Variants in NTNG1 observed in about 807,000 individuals in gnomAD.
The protein encoded by NTNG1 is netrin G1.
NTNG1 carries 16 observed loss-of-function variants against 54.0 expected under a neutral mutation model. The observed-to-expected ratio is 0.30, with a 90% confidence interval of 0.20 to 0.45. NTNG1 has a LOEUF of 0.45. Among genes scored for constraint, NTNG1 ranks in the 20% least tolerant of loss-of-function variants. The probability of loss-of-function intolerance (pLI) is 1.00; values close to 1 mark genes in which losing one functional copy is unlikely to be tolerated. For synonymous variants in NTNG1, 255 were observed against 263.1 expected (o/e 0.97, Z 0.30); for missense variants, 530 against 678.7 (o/e 0.78, Z 2.43).
chr1:107,297,653 C>G (rs1479775976), intron 2 of NTNG1, among the ~76,000 whole-genome samples: 2 of 152,052 alleles, frequency 1.3e-5, no homozygotes, highest in Admixed American at 1.3e-4. Flanking sequence ...AAATTTGTCT[C>G]TCCCCAAACA....
chr1:107,331,819 A>G, intron 3 of NTNG1, among the ~76,000 whole-genome samples: 1 of 152,066 alleles, frequency 6.6e-6, no homozygotes, highest in East Asian at 1.9e-4. Flanking sequence ...TCTTTCATAT[A>G]ATAAAATTTC....
chr1:107,279,298 G>GA (rs1557864815), intron 2 of NTNG1, among the ~76,000 whole-genome samples: 1 of 151,960 alleles, frequency 6.6e-6, no homozygotes, highest in Non-Finnish European at 1.5e-5. Flanking sequence ...ATTGACAATG[G>GA]AATGTATGTT....
intron 2 of NTNG1, among the ~76,000 whole-genome samples, chr1:107,318,592 G>A (rs573961321): frequency 2.3e-4 from 35 of 151,896 alleles, no homozygotes; most frequent in African/African-American, 8.0e-4. Flanking sequence ...AACTGCAAAA[G>A]TTATGGCCAC....
At chr1:107,395,509 T>C (rs1256982580) in intron 4 of NTNG1, 183 bp downstream of exon 4, 3 of 755,472 alleles carry the variant, frequency 4.0e-6, no homozygotes, top group Non-Finnish European at 7.3e-6. Context: ...TGATCATCAG[T>C]AAAATTCAGT....
At position 107,481,931 on chromosome 1, in the gene NTNG1, T is replaced by C. The variant is rs1037763948; in HGVS notation, c.*1091T>C. 6.6e-6 allele frequency: 1 copy of C among 152,244 alleles called. No individual in the cohort carries two copies. Among genetic ancestry groups the C allele is most frequent in the African/African-American group, 2.4e-5 (1 of 41,420 alleles). 9.4% of individuals were successfully genotyped at this position (152,244 alleles called of 1,614,324 possible). ...GCAGTTTCACACTCACTTTACTGATTTCTGTGTGGACTGAGTACATTCAGC... is the reference window on the plus strand; with the variant it reads ...GCAGTTTCACACTCACTTTACTGATCTCTGTGTGGACTGAGTACATTCAGC... On this transcript the variant is annotated 3_prime_UTR_variant, in exon 8 of 8. Coordinates refer to ENST00000370068, the MANE Select transcript of NTNG1 (RefSeq NM_001113226.3).
intron 2 of NTNG1, among the ~76,000 whole-genome samples, chr1:107,290,738 A>G (rs1470163128): frequency 6.6e-6 from 1 of 151,950 alleles, no homozygotes; most frequent in East Asian, 1.9e-4. Flanking sequence ...GCTATAACAT[A>G]TAAAGCAAGT....
intron 4 of NTNG1, among the ~76,000 whole-genome samples, chr1:107,398,439 A>G (rs927635627): frequency 2.0e-5 from 3 of 152,138 alleles, no homozygotes; most frequent in Non-Finnish European, 4.4e-5. Flanking sequence ...ACTTGCTGGG[A>G]GTCATTTGGC....
At chr1:107,282,409 A>T (rs539596796) in intron 2 of NTNG1, among the ~76,000 whole-genome samples, 1 of 152,078 alleles carries the variant, frequency 6.6e-6, no homozygotes, top group African/African-American at 2.4e-5. Flanking sequence ...TGAATTTACT[A>T]TATCAATATT....
intron 2 of NTNG1, among the ~76,000 whole-genome samples, chr1:107,165,396 G>A (rs1002161826): frequency 8.5e-5 from 13 of 152,078 alleles, no homozygotes; most frequent in African/African-American, 1.2e-4. Flanking sequence ...GTTATAAGAC[G>A]AAAAATCCCT....
At chr1:107,241,916 G>A (rs1023040567) in intron 2 of NTNG1, among the ~76,000 whole-genome samples, 3 of 152,192 alleles carry the variant, frequency 2.0e-5, no homozygotes, top group African/African-American at 7.2e-5. Context: ...CTGCATCACC[G>A]TGCTCACAGA....
At chr1:107,186,073 A>G (rs1224070067) in intron 2 of NTNG1, among the ~76,000 whole-genome samples, 2 of 151,978 alleles carry the variant, frequency 1.3e-5, no homozygotes, top group Non-Finnish European at 1.5e-5. Context: ...TCCACTATGC[A>G]TGTGCATTAT....
intron 7 of NTNG1, among the ~76,000 whole-genome samples, chr1:107,466,212 CTT>C (rs749451703): frequency 1.6e-4 from 25 of 152,148 alleles, no homozygotes; most frequent in Non-Finnish European, 3.4e-4. Flanking sequence ...TGTGTAAACT[CTT>C]TGTGAGGAAG....
At chr1:107,449,065 A>G (rs562767372) in intron 7 of NTNG1, among the ~76,000 whole-genome samples, 1 of 152,252 alleles carries the variant, frequency 6.6e-6, no homozygotes, top group East Asian at 1.9e-4. Flanking sequence ...AGAGAAACTC[A>G]TAACTCAGTT....
chr1:107,410,128 A>G (rs549032853), intron 5 of NTNG1: 1 of 152,174 alleles, frequency 6.6e-6, no homozygotes, highest in Non-Finnish European at 1.5e-5. Context: ...TCCACTAACT[A>G]TATAGAAAGA....
chr1:107,195,553 C>A (rs1658258295), intron 2 of NTNG1, among the ~76,000 whole-genome samples: 1 of 151,816 alleles, frequency 6.6e-6, no homozygotes, highest in African/African-American at 2.4e-5. Flanking sequence ...CCACAAGGCC[C>A]TACATAATTT....
intron 3 of NTNG1, among the ~76,000 whole-genome samples, chr1:107,353,028 G>A (rs889496321): frequency 1.3e-5 from 2 of 152,192 alleles, no homozygotes; most frequent in Non-Finnish European, 2.9e-5. Flanking sequence ...AGATGAGGGG[G>A]CCTGCCATGA....
intron 5 of NTNG1, among the ~76,000 whole-genome samples, chr1:107,422,930 A>G (rs1268761143): frequency 6.6e-6 from 1 of 152,050 alleles, no homozygotes; most frequent in South Asian, 2.1e-4. Context: ...TGCAAAGGAG[A>G]AATTGAATCC....
intron 2 of NTNG1, among the ~76,000 whole-genome samples, chr1:107,216,903 T>G (rs951358116): frequency 6.6e-6 from 1 of 152,132 alleles, no homozygotes; most frequent in Non-Finnish European, 1.5e-5. Context: ...GGTCTTGATC[T>G]CTTGACCTCA....
chr1:107,141,363 G>C (rs1173629196), intron 1 of NTNG1: 1 of 149,722 alleles, frequency 6.7e-6, no homozygotes, highest in Non-Finnish European at 1.5e-5. Flanking sequence ...CCGCTGCTGC[G>C]GCCGCCGCCC....
Sources: gnomAD v4.1 joint callset for allele counts (sites outside exome capture counted in the v4.1 genomes callset) on GRCh38, gnomAD v4.1.1 for gene constraint, MANE v1.5 for transcripts, NCBI Gene and HGNC (gene_info 2026-07-23, HGNC 2026-07-21) for gene names.